ORC5: variants seen among roughly 807,000 people sequenced by gnomAD.
ORC5 encodes the protein protein phosphatase 1, regulatory subunit 117.
In ORC5, 39 loss-of-function variants were observed where a neutral mutation model predicts 58.8. That is an observed-to-expected ratio of 0.66 (90% confidence interval 0.51 to 0.87). The LOEUF (loss-of-function observed/expected upper bound fraction) is 0.87. Ranked by LOEUF, ORC5 falls within the 40% of genes least tolerant of loss-of-function variation. The pLI is 0.00. For missense variants in ORC5, 493 were observed against 506.3 expected, an observed-to-expected ratio of 0.97 and a Z score of 0.25; for synonymous variants, 218 against 177.6, an observed-to-expected ratio of 1.23 and a Z score of -1.81.
intron 8 of ORC5, among the ~76,000 whole-genome samples, chr7:104,177,837 CTA>C (rs1469242355): frequency 1.3e-5 from 2 of 152,090 alleles, no homozygotes; most frequent in Non-Finnish European, 2.9e-5. Flanking sequence ...TTTTCTGTTC[CTA>C]TGTTAGTTTG....
At chr7:104,131,753 G>T (rs1380174362) in intron 13 of ORC5, among the ~76,000 whole-genome samples, 1 of 151,898 alleles carries the variant, frequency 6.6e-6, no homozygotes. Flanking sequence ...TCGGGAGGCT[G>T]AAGCAGGAGA....
intron 1 of ORC5, among the ~76,000 whole-genome samples, chr7:104,206,212 A>G (rs1800079106): frequency 6.6e-6 from 1 of 152,224 alleles, no homozygotes; most frequent in South Asian, 2.1e-4. Context: ...AGTACCTGAC[A>G]CAGAAAAGGT....
At chr7:104,173,117 C>T (rs1799246596) in intron 8 of ORC5, among the ~76,000 whole-genome samples, 2 of 152,206 alleles carry the variant, frequency 1.3e-5, no homozygotes, top group South Asian at 4.2e-4. Flanking sequence ...AAAGAACCAT[C>T]ACAAAAAACT....
intron 12 of ORC5, among the ~76,000 whole-genome samples, chr7:104,148,675 A>AT (rs563041298): frequency 9.2e-4 from 140 of 152,292 alleles, no homozygotes; most frequent in African/African-American, 3.2e-3. Context: ...TGACAGGTTA[A>AT]TTTTTCATAA....
At position 104,173,845 on chromosome 7, in the gene ORC5, C is replaced by CT. The variant is rs71154394; in HGVS notation, c.825-5321dup. Among the ~76,000 whole-genome samples the CT allele has an allele frequency of 9.5e-4, 105 of 111,082 alleles. 1 individual carries two copies. The highest frequency in any genetic ancestry group is 2.0e-3 in the African/African-American group (53 of 26,358). The allele number at this position is 111,082 out of a possible 152,430, so 72.9% of individuals were successfully genotyped here. A position where few individuals can be genotyped will look rare whatever the true frequency, so the allele number is the denominator to read the frequency against. ...TGCATACCTGGGTTTAAAATTTTTT[C>CT]TTTTTTTTTTTTTTTTTGAGACGGA... is the stretch of plus-strand genomic sequence containing the variant. On this transcript the variant is annotated intron_variant, in intron 8 of 13. Coordinates refer to ENST00000297431, the MANE Select transcript of ORC5 (RefSeq NM_002553.4).
At chr7:104,145,276 C>G (rs1034314869) in intron 12 of ORC5, among the ~76,000 whole-genome samples, 7 of 152,136 alleles carry the variant, frequency 4.6e-5, no homozygotes, top group African/African-American at 1.4e-4. Context: ...ACATCTGTGA[C>G]TTAGAGAAAA....
At chr7:104,142,266 G>A (rs1264827512) in intron 12 of ORC5, among the ~76,000 whole-genome samples, 1 of 151,982 alleles carries the variant, frequency 6.6e-6, no homozygotes, top group African/African-American at 2.4e-5. Flanking sequence ...TTAAATGTAA[G>A]ACATGAAACA....
chr7:104,190,318 T>C (rs1274652144), intron 5 of ORC5, among the ~76,000 whole-genome samples: 2 of 152,126 alleles, frequency 1.3e-5, no homozygotes, highest in Admixed American at 6.6e-5. Context: ...AAGGGGATAG[T>C]ACATAAACTG....
At chr7:104,180,506 G>A (rs550266489) in intron 8 of ORC5, among the ~76,000 whole-genome samples, 1 of 152,158 alleles carries the variant, frequency 6.6e-6, no homozygotes, top group South Asian at 2.1e-4. Context: ...CTGTGATCCT[G>A]TTTTGATCAG....
At position 104,133,314 on chromosome 7, in the gene ORC5, C is replaced by T. The variant is rs141609587; in HGVS notation, c.1262+3467G>A. ...TAGAGTGGTAAAAGTATCATGATAA[C>T]AAGTGAATGAAATTGAGACAAATAA... On this transcript the variant is annotated intron_variant, in intron 13 of 13. Coordinates refer to ENST00000297431, the MANE Select transcript of ORC5 (RefSeq NM_002553.4). The surrounding 1 kb of genome is among the most constrained non-coding windows in gnomAD (Gnocchi z 4.7). 6.3e-3 allele frequency among the ~76,000 whole-genome samples: 960 copies of T among 152,052 alleles called. 19 individuals are homozygous for T. The highest frequency in any genetic ancestry group is 0.022 in the African/African-American group (917 of 41,426).
At chr7:104,189,778 A>G (rs181754686) in intron 5 of ORC5, among the ~76,000 whole-genome samples, 1 of 152,240 alleles carries the variant, frequency 6.6e-6, no homozygotes, top group East Asian at 1.9e-4. Context: ...TGTATCCTTT[A>G]TGATAAATGG....
Position 104,188,064 on chromosome 7 carries a change from A to G in ORC5, c.684+187T>C, listed in dbSNP as rs530629426. 240 of 995,534 alleles carry G rather than the reference A, an allele frequency of 2.4e-4. 2 individuals carry two copies. The South Asian group carries it at 8.0e-3, about 33-fold the overall frequency. The allele number at this position is 995,534 out of a possible 1,614,324, so 61.7% of individuals were successfully genotyped here. A position where few individuals can be genotyped will look rare whatever the true frequency, so the allele number is the denominator to read the frequency against. ...TCAAAGTTTGTACTAACCCACAGAC[A>G]TCTACCTTCTTATGGTATGTTAGTC... is the stretch of plus-strand genomic sequence containing the variant. On this transcript the variant is annotated intron_variant, in intron 6 of 13. Coordinates refer to ENST00000297431, the MANE Select transcript of ORC5 (RefSeq NM_002553.4).
At chr7:104,199,061 C>T (rs1034604815) in intron 3 of ORC5, among the ~76,000 whole-genome samples, 1 of 152,206 alleles carries the variant, frequency 6.6e-6, no homozygotes, top group Non-Finnish European at 1.5e-5. Context: ...AGAGGATGTA[C>T]AGAAATGCCT....
intron 8 of ORC5, among the ~76,000 whole-genome samples, chr7:104,175,520 T>G (rs1445212055): frequency 3.3e-5 from 5 of 152,194 alleles, no homozygotes; most frequent in Admixed American, 3.3e-4. Context: ...TTTCTGGAAA[T>G]GTAAATTTAG....
At chr7:104,203,433 C>T (rs1278311068) in intron 2 of ORC5, among the ~76,000 whole-genome samples, 2 of 152,168 alleles carry the variant, frequency 1.3e-5, no homozygotes, top group African/African-American at 4.8e-5. Context: ...AAAGACTGCC[C>T]ATCTCTGGTT....
chr7:104,173,838 A>ATTTTTTTTTT (rs746698932), intron 8 of ORC5, among the ~76,000 whole-genome samples: 2 of 122,756 alleles, frequency 1.6e-5, no homozygotes, highest in Non-Finnish European at 3.5e-5. Context: ...TGGGTTTAAA[A>ATTTTTTTTTT]TTTTTTCTTT....
At chr7:104,149,107 T>C (rs949437938) in intron 12 of ORC5, among the ~76,000 whole-genome samples, 2 of 151,876 alleles carry the variant, frequency 1.3e-5, no homozygotes, top group African/African-American at 4.8e-5. Flanking sequence ...TATTAGATGA[T>C]ATTGAAGATG....
intron 1 of ORC5, among the ~76,000 whole-genome samples, chr7:104,206,535 ATATAAC>A (rs1195637949): frequency 1.1e-4 from 16 of 152,302 alleles, no homozygotes; most frequent in African/African-American, 3.1e-4. Context: ...TCCAGTAATA[ATATAAC>A]TATAATTGAA....
intron 12 of ORC5, among the ~76,000 whole-genome samples, chr7:104,157,094 TAGA>T (rs777010061): frequency 2.8e-4 from 43 of 152,066 alleles, no homozygotes; most frequent in Admixed American, 1.4e-3. Context: ...ATAATTTTGA[TAGA>T]AGAATAAAAG....
Sources: gnomAD v4.1 joint callset for allele counts (sites outside exome capture counted in the v4.1 genomes callset) on GRCh38, gnomAD v4.1.1 for gene constraint, Gnocchi (gnomAD v3.1) non-coding constraint, MANE v1.5 for transcripts, NCBI Gene and HGNC (gene_info 2026-07-23, HGNC 2026-07-21) for gene names.